SLC22A3: variants seen among roughly 807,000 people sequenced by gnomAD.
The protein encoded by SLC22A3 is EMT organic cation transporter 3.
A neutral mutation model predicts 59.1 loss-of-function variants in SLC22A3; 51 were observed. The observed-to-expected ratio is 0.86, with a 90% CI of 0.69 to 1.09. The LOEUF (loss-of-function observed/expected upper bound fraction) is 1.09. SLC22A3 is among the 50% of genes least tolerant of loss of function. SLC22A3 has a pLI of 0.00. For synonymous variants in SLC22A3, 325 were observed against 292.0 expected (o/e 1.11, Z -1.15); for missense variants, 711 against 726.3 (o/e 0.98, Z 0.24).
At chr6:160,437,850 T>A (rs866833005) in intron 7 of SLC22A3, among the ~76,000 whole-genome samples, 1 of 152,142 alleles carries the variant, frequency 6.6e-6, no homozygotes, top group Non-Finnish European at 1.5e-5. Context: ...GACGGACGTT[T>A]CCAAACTAGA....
chr6:160,360,563 A>G (rs1021137666), intron 1 of SLC22A3, among the ~76,000 whole-genome samples: 2 of 152,230 alleles, frequency 1.3e-5, no homozygotes, highest in African/African-American at 2.4e-5. Context: ...TCTTAAGAAC[A>G]TAAACAAACA....
chr6:160,412,576 G>T (rs111570365), intron 5 of SLC22A3, among the ~76,000 whole-genome samples: 2 of 152,248 alleles, frequency 1.3e-5, no homozygotes, highest in African/African-American at 4.8e-5. Context: ...TAAAATGTGT[G>T]GTAAAGATAA....
rs138165624 is a variant in SLC22A3, at chr6:160,377,755, A to G, written c.430-20224A>G. On this transcript the variant is annotated intron_variant, in intron 1 of 10. Transcript: ENST00000275300. ...CAATCCACCAAAAGAACAAAACACA[A>G]AGTAAAAGTGGATGCAAGACACAAG... Among the ~76,000 whole-genome samples the G allele has an allele frequency of 1.6e-3, 247 of 152,238 alleles. 2 individuals are homozygous for G. In the Middle Eastern group the frequency reaches 0.02, roughly 13 times the overall value.
chr6:160,398,831 C>G (rs1786633539), intron 2 of SLC22A3, among the ~76,000 whole-genome samples: 1 of 152,204 alleles, frequency 6.6e-6, no homozygotes, highest in Admixed American at 6.5e-5. Context: ...AAATTGCTGA[C>G]TCATGGCTGT....
At chr6:160,350,087 T>A (rs749258154) in intron 1 of SLC22A3, among the ~76,000 whole-genome samples, 2 of 152,202 alleles carry the variant, frequency 1.3e-5, no homozygotes, top group Non-Finnish European at 1.5e-5. Flanking sequence ...CTATGCTATG[T>A]GCTCCAGGGA....
At chr6:160,388,894 C>A in intron 1 of SLC22A3, among the ~76,000 whole-genome samples, 1 of 152,182 alleles carries the variant, frequency 6.6e-6, no homozygotes, top group East Asian at 1.9e-4. Context: ...AGAATTACCC[C>A]AAAGCTGCAT....
chr6:160,354,800 C>T (rs1029379943), intron 1 of SLC22A3, among the ~76,000 whole-genome samples: 6 of 152,062 alleles, frequency 3.9e-5, no homozygotes, highest in African/African-American at 1.2e-4. Context: ...TAAAATATCT[C>T]GGACACTAAT....
chr6:160,436,096 C>T (rs1021047168), intron 5 of SLC22A3, among the ~76,000 whole-genome samples: 2 of 152,182 alleles, frequency 1.3e-5, no homozygotes, highest in African/African-American at 4.8e-5. Context: ...AAGAGACTGA[C>T]AAGCACAGGA....
intron 5 of SLC22A3, among the ~76,000 whole-genome samples, chr6:160,411,272 A>T (rs1199770734): frequency 1.3e-5 from 2 of 152,134 alleles, no homozygotes; most frequent in Admixed American, 6.5e-5. Context: ...TTAAATCTTT[A>T]AGTTTGGCCC....
chr6:160,442,270 T>C (rs1158062527), intron 7 of SLC22A3, among the ~76,000 whole-genome samples: 1 of 152,130 alleles, frequency 6.6e-6, no homozygotes, highest in Admixed American at 6.5e-5. Flanking sequence ...CTTGCTCCAC[T>C]CTAGAAACCA....
intron 5 of SLC22A3, chr6:160,426,488 C>G (rs1787958478): frequency 5.7e-6 from 2 of 349,522 alleles, no homozygotes; most frequent in African/African-American, 4.4e-5. Flanking sequence ...GGTTCCCACT[C>G]TAATGTGTCT....
At chr6:160,403,722 C>T (rs2504938) in intron 2 of SLC22A3, among the ~76,000 whole-genome samples, 127,737 of 151,800 alleles carry the variant, frequency 0.84, 54,324 homozygotes, top group East Asian at 1. Context: ...ATACCAAGTG[C>T]GTAGTATCCC....
At chr6:160,404,007 A>G (rs1786899492) in intron 2 of SLC22A3, among the ~76,000 whole-genome samples, 2 of 152,042 alleles carry the variant, frequency 1.3e-5, no homozygotes, top group African/African-American at 2.4e-5. Flanking sequence ...TAAGATCAGA[A>G]ACAAGCCAAA....
chr6:160,447,996 A>G (rs73592940), intron 10 of SLC22A3, among the ~76,000 whole-genome samples, 178 bp downstream of exon 10: 11,446 of 152,280 alleles, frequency 0.075, 1,449 homozygotes, highest in African/African-American at 0.26. Context: ...AAAACCCTCC[A>G]GAGCTAGATA....
intron 9 of SLC22A3, 111 bp downstream of exon 9, chr6:160,443,853 T>C: frequency 2.1e-6 from 1 of 486,280 alleles, no homozygotes; most frequent in Non-Finnish European, 3.5e-6. Flanking sequence ...TTTATCTTAT[T>C]ATAATAACTA....
chr6:160,394,959 T>G (rs1786412795), intron 1 of SLC22A3, among the ~76,000 whole-genome samples: 1 of 152,138 alleles, frequency 6.6e-6, no homozygotes, highest in African/African-American at 2.4e-5. Flanking sequence ...TACCTTCTGA[T>G]TTTGCACTAG....
chr6:160,419,949 G>A (rs1201575968), intron 5 of SLC22A3, among the ~76,000 whole-genome samples: 2 of 152,154 alleles, frequency 1.3e-5, no homozygotes, highest in East Asian at 1.9e-4. Flanking sequence ...TACTTTCCAT[G>A]TCTTTAGCTT....
intron 1 of SLC22A3, among the ~76,000 whole-genome samples, chr6:160,355,286 C>T (rs2114739301): frequency 6.6e-6 from 1 of 152,220 alleles, no homozygotes; most frequent in Non-Finnish European, 1.5e-5. Flanking sequence ...TAAGAGCATC[C>T]TCCCCTAGGT....
intron 1 of SLC22A3, among the ~76,000 whole-genome samples, chr6:160,387,861 A>G (rs1186586988): frequency 1.3e-5 from 2 of 152,196 alleles, no homozygotes; most frequent in African/African-American, 4.8e-5. Flanking sequence ...GATAATGTCT[A>G]TTACCTGGAT....
Sources: allele counts gnomAD v4.1 joint callset (sites outside exome capture counted in the v4.1 genomes callset), GRCh38; gene constraint gnomAD v4.1.1; transcripts MANE v1.5; gene names NCBI Gene and HGNC (gene_info 2026-07-23, HGNC 2026-07-21).